PPFIBP1: variants seen among roughly 807,000 people sequenced by gnomAD.
The protein encoded by PPFIBP1 is liprin-beta-1.
Under a neutral mutation model 137.8 loss-of-function variants are expected in PPFIBP1, and 112 were observed. The ratio of observed to expected loss-of-function variants is 0.81; its 90% CI spans 0.70 to 0.95. PPFIBP1 has a LOEUF of 0.95. Among genes scored for constraint, PPFIBP1 ranks in the 40% least tolerant of loss-of-function variants. The pLI is 0.00. For missense variants in PPFIBP1, 1,083 were observed against 1,196.6 expected (o/e 0.91, Z 1.40); for synonymous variants, 378 against 417.3 (o/e 0.91, Z 1.15).
At chr12:27,608,584 T>TA (rs973865430) in intron 2 of PPFIBP1, 25 of 357,930 alleles carry the variant, frequency 7.0e-5, no homozygotes, top group Admixed American at 5.8e-4. Context: ...CATTTACCCT[T>TA]AAAAAATGGG....
intron 2 of PPFIBP1, among the ~76,000 whole-genome samples, chr12:27,628,152 T>C (rs1353070594): frequency 6.6e-6 from 1 of 152,120 alleles, no homozygotes; most frequent in Admixed American, 6.5e-5. Context: ...TTTGTGAGAA[T>C]TATTGGATGG....
intron 7 of PPFIBP1, among the ~76,000 whole-genome samples, chr12:27,652,433 A>C (rs1950267707): frequency 6.6e-6 from 1 of 152,208 alleles, no homozygotes; most frequent in South Asian, 2.1e-4. Flanking sequence ...AGAGAAAGGG[A>C]ACAGGAATTT....
intron 25 of PPFIBP1, 61 bp from the exon 26 acceptor site, chr12:27,688,237 C>A (rs1439001280): frequency 3.2e-6 from 5 of 1,573,394 alleles, no homozygotes; most frequent in Non-Finnish European, 4.3e-6. Context: ...CTCCATGGAG[C>A]AGACTTTTTA....
At chr12:27,526,278 TTTC>T (rs757904942) in intron 1 of PPFIBP1, among the ~76,000 whole-genome samples, 5 of 152,218 alleles carry the variant, frequency 3.3e-5, no homozygotes, top group Non-Finnish European at 7.4e-5. Flanking sequence ...AGATTTACAC[TTTC>T]TTTCCAAGAA....
intron 1 of PPFIBP1, chr12:27,549,217 C>A (rs560898251): frequency 7.3e-6 from 1 of 136,480 alleles, no homozygotes; most frequent in Admixed American, 7.3e-5. Flanking sequence ...AATATGTGCA[C>A]CATTTCTTCT....
chr12:27,674,811 A>ATTTTTT (rs72418237), intron 17 of PPFIBP1, among the ~76,000 whole-genome samples: 6 of 108,718 alleles, frequency 5.5e-5, no homozygotes, highest in Non-Finnish European at 8.8e-5. Context: ...CTTTCCCCTG[A>ATTTTTT]TTTTTTTTTT....
intron 2 of PPFIBP1, among the ~76,000 whole-genome samples, chr12:27,608,074 T>G (rs1451075916): frequency 6.6e-6 from 1 of 152,234 alleles, no homozygotes; most frequent in Admixed American, 6.5e-5. Context: ...CCAATGACTC[T>G]CCAGCTTAAC....
intron 1 of PPFIBP1, among the ~76,000 whole-genome samples, chr12:27,542,226 T>C (rs1339676082): frequency 6.6e-6 from 1 of 152,212 alleles, no homozygotes; most frequent in Admixed American, 6.5e-5. Context: ...TACATAGCAT[T>C]TACGTTGTAT....
chr12:27,644,856 TC>T (rs1399403467), intron 4 of PPFIBP1, among the ~76,000 whole-genome samples: 2 of 152,152 alleles, frequency 1.3e-5, no homozygotes, highest in Non-Finnish European at 2.9e-5. Context: ...GAAAATGTAT[TC>T]AGTATGCTAA....
At chr12:27,634,281 C>G (rs2057492839) in intron 3 of PPFIBP1, among the ~76,000 whole-genome samples, 1 of 151,804 alleles carries the variant, frequency 6.6e-6, no homozygotes, top group Non-Finnish European at 1.5e-5. Flanking sequence ...GCAATCTTCA[C>G]ACCTCAAGTA....
intron 2 of PPFIBP1, among the ~76,000 whole-genome samples, chr12:27,592,306 A>C (rs1303301148): frequency 2.0e-5 from 3 of 152,254 alleles, no homozygotes; most frequent in Non-Finnish European, 4.4e-5. Flanking sequence ...ATATGCTTTC[A>C]ATGTGAGTCA....
intron 2 of PPFIBP1, among the ~76,000 whole-genome samples, chr12:27,606,412 T>G (rs1472480188): frequency 6.6e-6 from 1 of 152,176 alleles, no homozygotes; most frequent in African/African-American, 2.4e-5. Flanking sequence ...GCTAGGAAAT[T>G]TTTTTAGCTC....
intron 2 of PPFIBP1, among the ~76,000 whole-genome samples, chr12:27,586,530 T>C (rs2051773396): frequency 6.6e-6 from 1 of 152,200 alleles, no homozygotes; most frequent in Non-Finnish European, 1.5e-5. Context: ...AAACCCTGTC[T>C]CTGCTAAAAA....
chr12:27,596,565 A>C (rs1342027305), intron 2 of PPFIBP1, among the ~76,000 whole-genome samples: 2 of 152,118 alleles, frequency 1.3e-5, no homozygotes, highest in Admixed American at 6.6e-5. Context: ...TCTGTTGCCC[A>C]GGCTGGAGTA....
chr12:27,627,333 A>C (rs886372900), intron 2 of PPFIBP1, among the ~76,000 whole-genome samples: 2 of 152,216 alleles, frequency 1.3e-5, no homozygotes, highest in African/African-American at 4.8e-5. Flanking sequence ...GAAAGGTATG[A>C]GTAATTTGTG....
chr12:27,560,848 T>G (rs1680837371), intron 1 of PPFIBP1, among the ~76,000 whole-genome samples: 1 of 152,210 alleles, frequency 6.6e-6, no homozygotes, highest in Admixed American at 6.5e-5. Flanking sequence ...AAAACTAACT[T>G]AATATCCTAT....
In PPFIBP1 at chr12:27,637,756, C is replaced by T. The variant is rs532024720; in HGVS notation, c.270+2641C>T. On this transcript the variant is annotated intron_variant, in intron 4 of 29. Transcript: ENST00000228425. ...GTGAAATTAAGTTGTCACCACACAC[C>T]TACCACGATAGACTTTATTTTAGAA... 3.3e-5 allele frequency among the ~76,000 whole-genome samples: 5 copies of T among 152,188 alleles called. 2 individuals carry two copies. Among genetic ancestry groups the T allele is most frequent in the African/African-American group, 1.2e-4 (5 of 41,530 alleles).
At chr12:27,673,483 A>C (rs2060324150) in intron 15 of PPFIBP1, among the ~76,000 whole-genome samples, 1 of 152,166 alleles carries the variant, frequency 6.6e-6, no homozygotes, top group African/African-American at 2.4e-5. Flanking sequence ...ACACTGCTTT[A>C]TTTTCGAATA....
intron 12 of PPFIBP1, among the ~76,000 whole-genome samples, chr12:27,664,900 A>G (rs1393822699): frequency 1.3e-5 from 2 of 152,208 alleles, no homozygotes; most frequent in Non-Finnish European, 2.9e-5. Context: ...TTTAAAAGTC[A>G]GCAGTGGTCA....
Sources: allele counts gnomAD v4.1 joint callset (sites outside exome capture counted in the v4.1 genomes callset), GRCh38; gene constraint gnomAD v4.1.1; transcripts MANE v1.5; gene names NCBI Gene and HGNC (gene_info 2026-07-23, HGNC 2026-07-21).